SMURF2: variants seen among roughly 807,000 people sequenced by gnomAD.
SMURF2 encodes the protein E3 ubiquitin-protein ligase SMURF2.
Under a neutral mutation model 109.6 loss-of-function variants are expected in SMURF2, and 48 were observed. The observed-to-expected ratio is 0.44, with a 90% confidence interval of 0.35 to 0.56. SMURF2 has a LOEUF of 0.56. Ranked by LOEUF, SMURF2 falls within the 20% of genes least tolerant of loss-of-function variation. The pLI is 0.01. For synonymous variants in SMURF2, 288 were observed against 317.1 expected (o/e 0.91, Z 0.97); for missense variants, 575 against 909.0 (o/e 0.63, Z 4.72).
At chr17:64,559,414 T>C (rs777772000) in intron 12 of SMURF2, among the ~76,000 whole-genome samples, 4 of 151,392 alleles carry the variant, frequency 2.6e-5, no homozygotes, top group Admixed American at 6.6e-5. Context: ...GCCAACATGG[T>C]GAAACCCCGT....
intron 10 of SMURF2, among the ~76,000 whole-genome samples, chr17:64,565,134 C>A (rs1413730424): frequency 2.0e-5 from 3 of 152,154 alleles, no homozygotes; most frequent in African/African-American, 7.2e-5. Flanking sequence ...TGTGAAAGAC[C>A]AAGCCATGCA....
chr17:64,649,709 T>C (rs1471324195), intron 1 of SMURF2, among the ~76,000 whole-genome samples: 1 of 151,888 alleles, frequency 6.6e-6, no homozygotes, highest in Non-Finnish European at 1.5e-5. Context: ...CCAGGCATGG[T>C]GGTGCGTGCC....
rs1555682752 is a variant in SMURF2 at position 64,543,031 on chromosome 17, A to C, written c.*2817T>G. 6.6e-6 allele frequency: 1 copy of C among 152,194 alleles called. No individual in the cohort carries two copies. Among genetic ancestry groups the C allele is most frequent in the South Asian group, 2.1e-4 (1 of 4,836 alleles). 9.4% of individuals were successfully genotyped at this position (152,194 alleles called of 1,614,324 possible). The stretch of plus-strand genomic sequence containing the variant: ...GAAAGGCAAGAGTATGAAAACAGAT[A>C]TCACATATCTGAAATAACAATACAG... On this transcript the variant is annotated 3_prime_UTR_variant, in exon 19 of 19. Transcript: ENST00000262435.
At chr17:64,548,038 A>G (rs543054270) in intron 16 of SMURF2, among the ~76,000 whole-genome samples, 1 of 152,332 alleles carries the variant, frequency 6.6e-6, no homozygotes, top group African/African-American at 2.4e-5. Flanking sequence ...AGCTCCAGAG[A>G]TATCTACTCA....
Position 64,662,012 on chromosome 17 carries a change from G to C in SMURF2, c.-132C>G. ...TCGGCCGCCACGGCCGGAGGGTCCCGGATGTGCCGAGAGTCGTCGCCATGA... is the reference window on the plus strand; with the variant it reads ...TCGGCCGCCACGGCCGGAGGGTCCCCGATGTGCCGAGAGTCGTCGCCATGA... On this transcript the variant is annotated 5_prime_UTR_variant, in exon 1 of 19. Coordinates refer to ENST00000262435, the MANE Select transcript of SMURF2 (RefSeq NM_022739.4). The C allele has an allele frequency of 9.0e-7, 1 of 1,111,074 alleles. No individual in the cohort carries two copies. The highest frequency in any genetic ancestry group is 1.1e-6 in the Non-Finnish European group (1 of 911,194). 68.8% of individuals were successfully genotyped at this position (1,111,074 alleles called of 1,614,324 possible).
At chr17:64,572,404 C>G (rs1555685647) in intron 9 of SMURF2, among the ~76,000 whole-genome samples, 1 of 152,040 alleles carries the variant, frequency 6.6e-6, no homozygotes, top group African/African-American at 2.4e-5. Flanking sequence ...AGCTCGCCAA[C>G]AAAGCAAAAC....
chr17:64,610,640 A>AG (rs1970031172), intron 1 of SMURF2, among the ~76,000 whole-genome samples: 1 of 152,212 alleles, frequency 6.6e-6, no homozygotes. Context: ...TAGCATTAGG[A>AG]GAAATACCTA....
At chr17:64,582,255 T>C (rs781915914) in intron 7 of SMURF2, among the ~76,000 whole-genome samples, 1 of 152,212 alleles carries the variant, frequency 6.6e-6, no homozygotes, top group Non-Finnish European at 1.5e-5. Flanking sequence ...AAGCAATTAG[T>C]TCTGTATAAA....
At chr17:64,624,333 TA>T (rs1191228889) in intron 1 of SMURF2, among the ~76,000 whole-genome samples, 3 of 131,006 alleles carry the variant, frequency 2.3e-5, no homozygotes, top group African/African-American at 5.7e-5. Context: ...CTCATCTCTA[TA>T]AAAAAAAATT....
chr17:64,590,119 G>C (rs143119659), intron 5 of SMURF2, among the ~76,000 whole-genome samples: 2 of 150,686 alleles, frequency 1.3e-5, no homozygotes, highest in African/African-American at 4.9e-5. Flanking sequence ...CATGAAGTGT[G>C]ACATTCCTAT....
intron 16 of SMURF2, among the ~76,000 whole-genome samples, chr17:64,548,538 C>CCA (rs1168015909): frequency 6.6e-6 from 1 of 152,152 alleles, no homozygotes; most frequent in Non-Finnish European, 1.5e-5. Flanking sequence ...CAGGCATGCA[C>CCA]CACAATGCCC....
At chr17:64,616,024 T>TTCC (rs1311906266) in intron 1 of SMURF2, among the ~76,000 whole-genome samples, 1 of 151,790 alleles carries the variant, frequency 6.6e-6, no homozygotes, top group African/African-American at 2.4e-5. Context: ...GAGACAGGGT[T>TTCC]TCCCCATGTT....
intron 3 of SMURF2, among the ~76,000 whole-genome samples, chr17:64,595,808 A>C (rs1289267874): frequency 6.6e-6 from 1 of 152,228 alleles, no homozygotes; most frequent in Non-Finnish European, 1.5e-5. Flanking sequence ...GACCAGATAC[A>C]ACTTCATACC....
In SMURF2 at chr17:64,584,604, G is replaced by A. The variant is rs147203213; in HGVS notation, c.486-1060C>T. ...GATCTCTTGACCATGTAGTCCTCCC[G>A]CCTCAGCCTCCCAAAGTGCTGGGAT... On this transcript the variant is annotated intron_variant, in intron 6 of 18. Coordinates refer to ENST00000262435, the MANE Select transcript of SMURF2 (RefSeq NM_022739.4). Among the ~76,000 whole-genome samples the A allele has an allele frequency of 3.5e-3, 539 of 152,014 alleles. 23 individuals are homozygous for A. Among genetic ancestry groups the A allele is most frequent in the Admixed American group, 0.029 (448 of 15,282 alleles).
chr17:64,562,949 T>G lies in SMURF2; in HGVS notation c.1034A>C (p.Lys345Thr). Residue 345 changes from lysine (K) to threonine (T), a missense_variant, in exon 11 of 19, where the codon AAA (lysine) becomes ACA (threonine). Around this residue, in one of 5 missense-constraint regions of SMURF2, gnomAD observed 361 missense variants for 612.1 expected, o/e 0.59. Coordinates refer to ENST00000262435, the MANE Select transcript of SMURF2 (RefSeq NM_022739.4). ...TACCACTTGCTGTTGCTGTTGGTCT[T>G]TCAATTGGTTCTGCCGACTAGAAGT... ...HLVLNRQNQL[K>T]DQQQQQVVSL... is the part of the protein sequence containing the mutation. The G allele has an allele frequency of 6.2e-7, 1 of 1,613,488 alleles. No individual in the cohort carries two copies. The highest frequency in any genetic ancestry group is 8.5e-7 in the Non-Finnish European group (1 of 1,179,662).
At chr17:64,652,771 CT>C (rs1264117762) in intron 1 of SMURF2, among the ~76,000 whole-genome samples, 1 of 152,154 alleles carries the variant, frequency 6.6e-6, no homozygotes, top group Non-Finnish European at 1.5e-5. Context: ...GCAACCGCAC[CT>C]GGCCTGTCAA....
chr17:64,549,050 G>A (rs1317238557), intron 16 of SMURF2, among the ~76,000 whole-genome samples: 24 of 151,926 alleles, frequency 1.6e-4, no homozygotes, highest in Admixed American at 6.6e-5. Flanking sequence ...TTGGGAGGAC[G>A]AGGCATGCAG....
chr17:64,601,693 A>G (rs1969898783), intron 2 of SMURF2, among the ~76,000 whole-genome samples: 1 of 152,122 alleles, frequency 6.6e-6, no homozygotes, highest in African/African-American at 2.4e-5. Flanking sequence ...CAATCCCACT[A>G]CTAGGTATTA....
chr17:64,568,806 A>G (rs2144617129), intron 10 of SMURF2, among the ~76,000 whole-genome samples: 1 of 151,096 alleles, frequency 6.6e-6, no homozygotes, highest in Admixed American at 6.6e-5. Flanking sequence ...GTTGGAGACC[A>G]GCCTGGCTAA....
Sources: allele counts gnomAD v4.1 joint callset (sites outside exome capture counted in the v4.1 genomes callset), GRCh38; gene constraint gnomAD v4.1.1; regional missense constraint gnomAD v4.1.1; transcripts MANE v1.5; gene names NCBI Gene and HGNC (gene_info 2026-07-23, HGNC 2026-07-21).